ASIC1: variants seen among roughly 807,000 people sequenced by gnomAD.
ASIC1 encodes acid-sensing ion channel 1.
In ASIC1, 21 loss-of-function variants were observed where a neutral mutation model predicts 63.4. The ratio of observed to expected loss-of-function variants is 0.33; its 90% CI spans 0.23 to 0.48. ASIC1 has a LOEUF of 0.48. Ranked by LOEUF, ASIC1 falls within the 20% of genes least tolerant of loss-of-function variation. The pLI is 0.99. For missense variants in ASIC1, 478 were observed against 695.5 expected (o/e 0.69, Z 3.52); for synonymous variants, 258 against 278.2 (o/e 0.93, Z 0.72).
intron 3 of ASIC1, among the ~76,000 whole-genome samples, chr12:50,071,753 C>G (rs1012902883): frequency 6.6e-6 from 1 of 152,210 alleles, no homozygotes; most frequent in African/African-American, 2.4e-5. Flanking sequence ...TCAAGCGATT[C>G]TTCTGCCTCA....
intron 3 of ASIC1, among the ~76,000 whole-genome samples, chr12:50,061,243 G>C (rs1950498178): frequency 6.6e-6 from 1 of 152,132 alleles, no homozygotes; most frequent in Non-Finnish European, 1.5e-5. Context: ...GTGCAGAAAG[G>C]ATGGCACCAT....
Position 50,059,690 on chromosome 12 carries a change from A to C in ASIC1, c.363-69A>C. On this transcript the variant is annotated intron_variant, in intron 2 of 11. Transcript: ENST00000447966. The surrounding 1 kb of genome is among the most constrained non-coding windows in gnomAD (Gnocchi z 4.6). ...ATCCCCAGGGCTGGAGGCTGCCCCC[A>C]TCACCCAAGTTGGGTGCAGGACACT... The C allele has an allele frequency of 6.6e-7, 1 of 1,511,458 alleles. No homozygotes were observed. Among genetic ancestry groups the C allele is most frequent in the Non-Finnish European group, 9.0e-7 (1 of 1,111,728 alleles). 93.6% of individuals were successfully genotyped at this position (1,511,458 alleles called of 1,614,324 possible).
chr12:50,067,871 T>C (rs1260579825), intron 3 of ASIC1, among the ~76,000 whole-genome samples: 1 of 152,164 alleles, frequency 6.6e-6, no homozygotes, highest in African/African-American at 2.4e-5. Flanking sequence ...AGTCTCAAGC[T>C]TTAATCTTCT....
At chr12:50,079,427 A>ATC (rs1565732771) in intron 7 of ASIC1, among the ~76,000 whole-genome samples, 12 of 152,052 alleles carry the variant, frequency 7.9e-5, no homozygotes, top group Admixed American at 3.3e-4. Context: ...TAATAATAAT[A>ATC]ATCAATAAAG....
At chr12:50,072,293 A>G (rs924362342) in intron 3 of ASIC1, among the ~76,000 whole-genome samples, 3 of 152,192 alleles carry the variant, frequency 2.0e-5, no homozygotes, top group Non-Finnish European at 4.4e-5. Context: ...CTGGCCCTGC[A>G]GAGAAAGCAT....
chr12:50,061,086 T>C (rs1460410335), intron 3 of ASIC1, among the ~76,000 whole-genome samples: 1 of 152,222 alleles, frequency 6.6e-6, no homozygotes, highest in Non-Finnish European at 1.5e-5. Context: ...CCTGGGGTTA[T>C]TGTGTCCACT....
intron 3 of ASIC1, among the ~76,000 whole-genome samples, chr12:50,076,584 G>A (rs1042811647): frequency 6.6e-6 from 1 of 152,126 alleles, no homozygotes; most frequent in African/African-American, 2.4e-5. Flanking sequence ...CCTGAGGAAA[G>A]TGTCCCAAGG....
chr12:50,060,014 A>G (rs1384096666), intron 3 of ASIC1, 60 bp downstream of exon 3: 12 of 1,588,198 alleles, frequency 7.6e-6, no homozygotes, highest in Non-Finnish European at 8.6e-6. Flanking sequence ...GGAGGAGACA[A>G]GGAGCAGGCT....
intron 3 of ASIC1, among the ~76,000 whole-genome samples, chr12:50,061,405 AG>A (rs1950499798): frequency 6.6e-6 from 1 of 152,188 alleles, no homozygotes; most frequent in African/African-American, 2.4e-5. Flanking sequence ...AGCTTAGCCA[AG>A]ATGCAAGAAC....
At position 50,058,076 on chromosome 12, in the gene ASIC1, T is replaced by TG. The variant is rs1211872716; in HGVS notation, c.-17+168dup. ...ATCTGACTGCGACGAGAAGCTGGAC[T>TG]GGGGGGGGCTGCGTCCGGGGCGGGG... On this transcript the variant is annotated intron_variant, in intron 1 of 11. Transcript: ENST00000447966. Among the ~76,000 whole-genome samples the TG allele has an allele frequency of 2.2e-3, 326 of 148,346 alleles. 2 individuals are homozygous for TG. Among genetic ancestry groups the TG allele is most frequent in the South Asian group, 7.2e-3 (34 of 4,692 alleles).
Position 50,059,025 on chromosome 12 carries a change from T to C in ASIC1, c.259T>C (p.Phe87Leu). The C allele has an allele frequency of 6.2e-7, 1 of 1,614,170 alleles. No homozygotes were observed. Among genetic ancestry groups the C allele is most frequent in the African/African-American group, 1.3e-5 (1 of 75,044 alleles). The change falls in exon 2 of 12, where the codon TTC becomes CTC. Residue 87 changes from phenylalanine to leucine, a missense_variant. By Grantham distance (22) the Phe-to-Leu change is conservative (BLOSUM62 0). Transcript: ENST00000447966. The surrounding 1 kb of genome is among the most constrained non-coding windows in gnomAD (Gnocchi z 4.6). ...CGAGGTGGCTGCCTCTCAGCTTACCTTCCCTGCTGTCACGCTGTGCAACCT... is the reference window on the plus strand; with the variant it reads ...CGAGGTGGCTGCCTCTCAGCTTACCCTCCCTGCTGTCACGCTGTGCAACCT... ...LDEVAASQLTFPAVTLCNLNE... is the reference protein window; with the variant it reads ...LDEVAASQLTLPAVTLCNLNE...
rs35238318 is a variant in ASIC1, at chr12:50,067,410, G to GTTTTTTTTTTTTTTTTTTTTTTTTTT, written c.558+7472_558+7473insTTTTTTTTTTTTTTTTTTTTTTTTTT. ...GTTGCCCACCAACTCTTCTGCTGTT[G>GTTTTTTTTTTTTTTTTTTTTTTTTTT]TTTTTTTTTTTTTTTTGAGACGGAG... is the stretch of plus-strand genomic sequence containing the variant. On this transcript the variant is annotated intron_variant, in intron 3 of 11. Transcript: ENST00000447966. Among the ~76,000 whole-genome samples the GTTTTTTTTTTTTTTTTTTTTTTTTTT allele has an allele frequency of 1.5e-5, 2 of 134,200 alleles. 1 individual carries two copies. The allele number at this position is 134,200 out of a possible 152,430, so 88.0% of individuals were successfully genotyped here. A position where few individuals can be genotyped will look rare whatever the true frequency, so the allele number is the denominator to read the frequency against.
intron 3 of ASIC1, among the ~76,000 whole-genome samples, chr12:50,075,187 C>A (rs1302981775): frequency 3.3e-5 from 5 of 152,166 alleles, no homozygotes. Context: ...CCTCCACCCC[C>A]TCCCTAGCGT....
At chr12:50,065,276 G>A (rs1414177277) in intron 3 of ASIC1, among the ~76,000 whole-genome samples, 37 of 152,132 alleles carry the variant, frequency 2.4e-4, no homozygotes, top group Admixed American at 2.4e-3. Context: ...ACCCTTAGGT[G>A]TGCATTCTGG....
chr12:50,072,690 T>C (rs1299251495), intron 3 of ASIC1, among the ~76,000 whole-genome samples: 5 of 152,028 alleles, frequency 3.3e-5, no homozygotes, highest in Non-Finnish European at 5.9e-5. Context: ...CCAGGAAGCT[T>C]TCCCACTGCA....
intron 3 of ASIC1, among the ~76,000 whole-genome samples, chr12:50,075,932 G>A (rs1036401733): frequency 5.9e-5 from 9 of 152,320 alleles, no homozygotes; most frequent in South Asian, 2.1e-4. Flanking sequence ...ATGGAGTGGG[G>A]AGAAGACTGG....
At chr12:50,081,429 C>A in intron 11 of ASIC1, 65 bp downstream of exon 11, 1 of 1,420,512 alleles carries the variant, frequency 7.0e-7, no homozygotes, top group Non-Finnish European at 9.7e-7. Context: ...GAACCCCGTC[C>A]ACCCCCGCCC....
chr12:50,071,534 G>A (rs941125716), intron 3 of ASIC1, among the ~76,000 whole-genome samples: 3 of 151,856 alleles, frequency 2.0e-5, no homozygotes, highest in Admixed American at 1.3e-4. Context: ...TGTCCACCTC[G>A]ACCTCCCAAA....
intron 8 of ASIC1, 125 bp from the exon 9 acceptor site, chr12:50,080,373 A>T (rs1286602544): frequency 1.0e-6 from 1 of 956,768 alleles, no homozygotes; most frequent in South Asian, 1.5e-5. Flanking sequence ...AGGTATCTCC[A>T]TCAGCATCTC....
Sources: allele counts gnomAD v4.1 joint callset (sites outside exome capture counted in the v4.1 genomes callset), GRCh38; gene constraint gnomAD v4.1.1; non-coding constraint Gnocchi (gnomAD v3.1); transcripts MANE v1.5; gene names NCBI Gene and HGNC (gene_info 2026-07-23, HGNC 2026-07-21).